The following PKHD1L1 variants were observed in gnomAD, a reference collection of about 807,000 sequenced individuals.
PKHD1L1 encodes PKHD1 like 1.
In PKHD1L1, 434 loss-of-function variants were observed where a neutral mutation model predicts 462.9. That is an observed-to-expected ratio of 0.94 (90% CI 0.87 to 1.02). The LOEUF is 1.02. PKHD1L1 is among the 50% of genes least tolerant of loss of function. The probability of loss-of-function intolerance (pLI) is 0.00; values close to 1 mark genes in which losing one functional copy is unlikely to be tolerated. For synonymous variants in PKHD1L1, 1,781 were observed against 1,750.0 expected, an observed-to-expected ratio of 1.02 and a Z score of -0.44; for missense variants, 5,202 against 5,096.1, an observed-to-expected ratio of 1.02 and a Z score of -0.63.
intron 3 of PKHD1L1, 43 bp from the exon 4 acceptor site, chr8:109,382,420 G>A (rs745834901): frequency 4.0e-6 from 6 of 1,507,162 alleles, no homozygotes; most frequent in Non-Finnish European, 5.4e-6. Context: ...CACTAAATAA[G>A]AGAGGAATTG....
intron 32 of PKHD1L1, among the ~76,000 whole-genome samples, chr8:109,439,845 A>G (rs1433251970): frequency 1.3e-5 from 2 of 152,136 alleles, no homozygotes; most frequent in African/African-American, 4.8e-5. Context: ...TCAGAGTAGA[A>G]GGAGAGATGA....
chr8:109,450,254 A>G (rs1043999932), intron 40 of PKHD1L1, among the ~76,000 whole-genome samples: 2 of 152,212 alleles, frequency 1.3e-5, no homozygotes, highest in African/African-American at 2.4e-5. Context: ...TTATTACTTA[A>G]CAAAATTTAA....
intron 46 of PKHD1L1, 36 bp from the exon 47 acceptor site, chr8:109,459,559 A>C: frequency 7.1e-6 from 10 of 1,409,514 alleles, no homozygotes; most frequent in Non-Finnish European, 9.4e-6. Flanking sequence ...GTCAATTTAT[A>C]TTAATTTTAA....
At chr8:109,462,024 T>A in intron 48 of PKHD1L1, 116 bp downstream of exon 48, 2 of 1,250,524 alleles carry the variant, frequency 1.6e-6, no homozygotes, top group South Asian at 3.6e-5. Context: ...GGGAGACAGA[T>A]ACATAAGTAA....
In PKHD1L1 at chr8:109,464,415, T is replaced by C. The variant is rs376204818; in HGVS notation, c.7583T>C (p.Ile2528Thr). 4.2e-5 allele frequency: 67 copies of C among 1,613,448 alleles called. No individual in the cohort carries two copies. The highest frequency in any genetic ancestry group is 5.7e-5 in the Non-Finnish European group (67 of 1,179,694). ...GATATTAAGGGAGGAGCATTTTTTA[T>C]AGAAGATGGTATTGAACATGGCAAT... ...IYDIKGGAFF[I>T]EDGIEHGNIL... Residue 2528 changes from isoleucine to threonine, a missense_variant, in exon 49 of 78, where the codon ATA (isoleucine) becomes ACA (threonine). Around this residue, in one of 3 missense-constraint regions of PKHD1L1, gnomAD observed 4,497 missense variants for 4,336.8 expected, o/e 1.04. Transcript: ENST00000378402.
intron 65 of PKHD1L1, 25 bp downstream of exon 65, chr8:109,497,297 A>G (rs1240775293): frequency 5.0e-6 from 8 of 1,602,710 alleles, no homozygotes; most frequent in Non-Finnish European, 5.1e-6. Context: ...CAGCCACACC[A>G]TGGAGAAAAA....
chr8:109,535,081 C>T lies in PKHD1L1; in HGVS notation c.*4991C>T, dbSNP rs535634243. 1.3e-5 allele frequency among the ~76,000 whole-genome samples: 2 copies of T among 152,174 alleles called. No individual in the cohort carries two copies. Among genetic ancestry groups the T allele is most frequent in the South Asian group, 4.1e-4 (2 of 4,826 alleles). ...ATTAAGAAATCTTTTAAAAATATTACAGAAACTGCACTTTATCCTGACTTA... is the reference window on the plus strand; with the variant it reads ...ATTAAGAAATCTTTTAAAAATATTATAGAAACTGCACTTTATCCTGACTTA... On this transcript the variant is annotated 3_prime_UTR_variant, in exon 78 of 78. Coordinates refer to ENST00000378402, the MANE Select transcript of PKHD1L1 (RefSeq NM_177531.6).
In PKHD1L1 at chr8:109,464,816, T is replaced by G; in HGVS notation, c.7984T>G (p.Trp2662Gly). Residue 2662 changes from tryptophan (W) to glycine (G), a missense_variant, in exon 49 of 78, where the codon TGG (tryptophan) becomes GGG (glycine). Trp to Gly is a radical substitution (Grantham distance 184). Coordinates refer to ENST00000378402, the MANE Select transcript of PKHD1L1 (RefSeq NM_177531.6). The stretch of plus-strand genomic sequence containing the variant: ...TTGGAATTGTCAAAAAGGAGCTGAA[T>G]GGGTCAATGGAGGTGCCCTTCAGTT... The part of the protein sequence containing the change: ...TTWNCQKGAE[W>G]VNGGALQFHN... 1 of 1,613,824 alleles carries G rather than the reference T, an allele frequency of 6.2e-7. No homozygotes were observed. The highest frequency in any genetic ancestry group is 8.5e-7 in the Non-Finnish European group (1 of 1,179,782).
intron 41 of PKHD1L1, among the ~76,000 whole-genome samples, chr8:109,451,835 G>A (rs1199575315): frequency 6.6e-6 from 1 of 152,130 alleles, no homozygotes; most frequent in Non-Finnish European, 1.5e-5. Flanking sequence ...TACCTGTTGG[G>A]AGATCAACAT....
At chr8:109,468,409 T>C (rs1289453378) in intron 50 of PKHD1L1, among the ~76,000 whole-genome samples, 3 of 152,220 alleles carry the variant, frequency 2.0e-5, no homozygotes, top group African/African-American at 7.2e-5. Flanking sequence ...TTTTATTTAG[T>C]TACTAAACTG....
At chr8:109,457,920 G>A (rs1005563601) in intron 46 of PKHD1L1, among the ~76,000 whole-genome samples, 7 of 151,834 alleles carry the variant, frequency 4.6e-5, no homozygotes, top group African/African-American at 1.2e-4. Context: ...CCACTGGTTC[G>A]CCCTTATCTC....
At chr8:109,438,591 G>GT in intron 31 of PKHD1L1, 135 bp downstream of exon 31, 1 of 742,204 alleles carries the variant, frequency 1.3e-6, no homozygotes, top group Non-Finnish European at 2.1e-6. Context: ...GTGTGTGTAT[G>GT]TTTTATCATA....
At chr8:109,381,538 A>G (rs757975313) in intron 3 of PKHD1L1, 24 bp downstream of exon 3, 30 of 1,488,962 alleles carry the variant, frequency 2.0e-5, no homozygotes, top group Non-Finnish European at 2.7e-5. Context: ...TATCTTTAAT[A>G]AAATCATTTT....
intron 28 of PKHD1L1, among the ~76,000 whole-genome samples, chr8:109,434,379 C>CAA (rs766756268): frequency 1.5e-5 from 2 of 132,872 alleles, no homozygotes; most frequent in Admixed American, 7.5e-5. Context: ...GGTCACATTT[C>CAA]AAAAAAAAAA....
At chr8:109,397,393 G>T (rs552509714) in intron 11 of PKHD1L1, among the ~76,000 whole-genome samples, 1 of 152,126 alleles carries the variant, frequency 6.6e-6, no homozygotes, top group East Asian at 1.9e-4. Context: ...ATAGTGAAAC[G>T]GGCTGGGTGC....
At chr8:109,449,869 T>C (rs1002244709) in intron 40 of PKHD1L1, among the ~76,000 whole-genome samples, 3 of 152,212 alleles carry the variant, frequency 2.0e-5, no homozygotes, top group African/African-American at 7.2e-5. Flanking sequence ...CAAACCCTAC[T>C]TGTGTCACTG....
At chr8:109,385,923 A>T (rs1271745671) in intron 6 of PKHD1L1, among the ~76,000 whole-genome samples, 2 of 152,196 alleles carry the variant, frequency 1.3e-5, no homozygotes, top group Non-Finnish European at 2.9e-5. Context: ...AGTTATAGTC[A>T]TACAACTTTA....
At chr8:109,435,731 C>A (rs528997196) in intron 29 of PKHD1L1, among the ~76,000 whole-genome samples, 1 of 152,160 alleles carries the variant, frequency 6.6e-6, no homozygotes, top group Non-Finnish European at 1.5e-5. Context: ...TGGGAACAAA[C>A]TGGGGAAAGG....
At chr8:109,413,741 G>A (rs1459608860) in intron 21 of PKHD1L1, among the ~76,000 whole-genome samples, 196 bp downstream of exon 21, 1 of 151,940 alleles carries the variant, frequency 6.6e-6, no homozygotes, top group Non-Finnish European at 1.5e-5. Context: ...ATGTTTTAAA[G>A]AAATCTCTAG....
Sources: allele counts gnomAD v4.1 joint callset (sites outside exome capture counted in the v4.1 genomes callset), GRCh38; gene constraint gnomAD v4.1.1; regional missense constraint gnomAD v4.1.1; transcripts MANE v1.5; gene names NCBI Gene and HGNC (gene_info 2026-07-23, HGNC 2026-07-21).